ADCY7: variants seen among roughly 807,000 people sequenced by gnomAD.
The protein encoded by ADCY7 is adenylate cyclase type 7.
ADCY7 carries 72 observed loss-of-function variants against 120.6 expected under a neutral mutation model. The ratio of observed to expected loss-of-function variants is 0.60; its 90% CI spans 0.49 to 0.73. The LOEUF is 0.73. Ranked by LOEUF, ADCY7 falls within the 30% of genes least tolerant of loss-of-function variation. The probability of loss-of-function intolerance (pLI) is 0.00; values close to 1 mark genes in which losing one functional copy is unlikely to be tolerated. For synonymous variants in ADCY7, 661 were observed against 628.0 expected (o/e 1.05, Z -0.78); for missense variants, 1,227 against 1,486.0 (o/e 0.83, Z 2.87).
intron 1 of ADCY7, among the ~76,000 whole-genome samples, chr16:50,255,400 T>TG (rs1306924319): frequency 1.2e-4 from 1 of 8,346 alleles, no homozygotes; most frequent in African/African-American, 3.0e-4. Context: ...ACTCTGTTTC[T>TG]GGAAAAAAAA....
rs1044887733 is a variant in ADCY7, at chr16:50,301,084, G to A, written c.1238G>A (p.Arg413Gln). The A allele has an allele frequency of 1.2e-5, 19 of 1,613,308 alleles. No individual in the cohort carries two copies. Among genetic ancestry groups the A allele is most frequent in the East Asian group, 2.2e-5 (1 of 44,878 alleles). ...NRMEAAGVPG[R>Q]VHITEATLKH... Reference sequence around the variant, plus strand: ...TGCCTGACTTGGGTCTCCCGTAGCCGGGTGCACATCACGGAGGCCACGCTA... The same window carrying A: ...TGCCTGACTTGGGTCTCCCGTAGCCAGGTGCACATCACGGAGGCCACGCTA... Residue 413 changes from arginine to glutamine, a missense_variant and splice_region_variant, in exon 10 of 26, where the codon CGG (arginine) becomes CAG (glutamine). This residue lies in a region of ADCY7 where 332 missense variants were observed against 455.8 expected (regional missense o/e 0.73). Coordinates refer to ENST00000673801, the MANE Select transcript of ADCY7 (RefSeq NM_001114.5).
chr16:50,311,816 A>C lies in ADCY7; in HGVS notation c.2448+30A>C, dbSNP rs771257020. The C allele has an allele frequency of 1.1e-3, 1,219 of 1,136,998 alleles. 14 individuals are homozygous for C. In the African/African-American group the frequency reaches 0.022, roughly 20 times the overall value. 70.4% of individuals were successfully genotyped at this position (1,136,998 alleles called of 1,614,324 possible). On this transcript the variant is annotated intron_variant, in intron 20 of 25. Transcript: ENST00000673801. ...GGAGGCTGGCCCCCCCCCCCCCCCC[A>C]AGCTCTGCCCACTTTTCCTCACCTC...
chr16:50,310,131 G>A (rs532699230), intron 18 of ADCY7, among the ~76,000 whole-genome samples: 3 of 152,340 alleles, frequency 2.0e-5, no homozygotes, highest in African/African-American at 7.2e-5. Flanking sequence ...CTAAAAGGCA[G>A]AAAGGTTCTG....
chr16:50,259,330 G>T (rs1021007012), intron 1 of ADCY7, among the ~76,000 whole-genome samples: 2 of 152,178 alleles, frequency 1.3e-5, no homozygotes, highest in Non-Finnish European at 2.9e-5. Context: ...TGGTGGGAGG[G>T]ACATGGCCTT....
Position 50,310,792 on chromosome 16 carries a change from C to G in ADCY7, c.2266C>G (p.Leu756Val), listed in dbSNP as rs145636318. The G allele has an allele frequency of 2.5e-6, 4 of 1,614,174 alleles. No homozygotes were observed. In the South Asian group the frequency reaches 4.4e-5, roughly 18 times the overall value. ...VLLTVALVAY[L>V]VLFNLSPCWQ... ...GCTGACAGTGGCCCTGGTGGCCTAC[C>G]TGGTGCTCTTCAACCTCTCCCCATG... Residue 756 changes from leucine to valine, a missense_variant, in exon 19 of 26, where the codon CTG (leucine) becomes GTG (valine). Around this residue, in one of 5 missense-constraint regions of ADCY7, gnomAD observed 267 missense variants for 270.0 expected, o/e 0.99. Coordinates refer to ENST00000673801, the MANE Select transcript of ADCY7 (RefSeq NM_001114.5).
chr16:50,294,607 C>T, intron 6 of ADCY7, 33 bp from the exon 7 acceptor site: 2 of 1,294,034 alleles, frequency 1.5e-6, no homozygotes, highest in East Asian at 4.6e-5. Context: ...GAGCCTGGCT[C>T]TGACACTCCC....
At position 50,300,829 on chromosome 16, in the gene ADCY7, C is replaced by T. The variant is rs374120409; in HGVS notation, c.1191C>T (p.His397=). The T allele has an allele frequency of 8.9e-5, 138 of 1,557,750 alleles. No individual in the cohort carries two copies. The highest frequency in any genetic ancestry group is 4.1e-5 in the African/African-American group (3 of 73,248). The part of the protein sequence containing the change: ...LRKWQYDVWS[H]DVSLANRMEA... ...AGTGGCAGTATGACGTGTGGTCCCACGACGTGTCCCTGGCCAACCGGATGG... is the reference window on the plus strand; with the variant it reads ...AGTGGCAGTATGACGTGTGGTCCCATGACGTGTCCCTGGCCAACCGGATGG... Residue 397 remains histidine (H), a synonymous_variant, in exon 9 of 26, where the codon CAC becomes CAT. Transcript: ENST00000673801.
chr16:50,308,823 G>A (rs754823285), intron 17 of ADCY7, 31 bp downstream of exon 17: 14 of 1,577,870 alleles, frequency 8.9e-6, no homozygotes, highest in South Asian at 2.3e-5. Flanking sequence ...GCAGGCCTCC[G>A]GGGTAGAGGG....
chr16:50,294,529 A>C, intron 6 of ADCY7, 111 bp from the exon 7 acceptor site: 1 of 672,564 alleles, frequency 1.5e-6, no homozygotes, highest in Non-Finnish European at 2.5e-6. Flanking sequence ...ACGGGGGTGA[A>C]TGGGCTCAGG....
In ADCY7 at chr16:50,315,274, G is replaced by T; in HGVS notation, c.3097-85G>T. 3.8e-6 allele frequency: 6 copies of T among 1,566,458 alleles called. No homozygotes were observed. In the South Asian group the frequency reaches 7.2e-5, roughly 19 times the overall value. On this transcript the variant is annotated intron_variant, in intron 25 of 25. Transcript: ENST00000673801. The stretch of plus-strand genomic sequence containing the variant: ...TCACACTCTCCAGGGAAGGCAGACT[G>T]CATGCCTGGGCAGTCTCTATCTGTC...
At chr16:50,287,667 G>A (rs2034663181) in intron 1 of ADCY7, among the ~76,000 whole-genome samples, 1 of 145,182 alleles carries the variant, frequency 6.9e-6, no homozygotes, top group African/African-American at 2.5e-5. Flanking sequence ...GCAACAGAGT[G>A]AGGCCCTGTC....
upstream of ADCY7, among the ~76,000 whole-genome samples, chr16:50,266,137 CT>C (rs1445086357): frequency 2.0e-5 from 3 of 152,194 alleles, no homozygotes; most frequent in African/African-American, 4.8e-5. Context: ...GGCCACCTTA[CT>C]ACATAGATAG....
Position 50,290,611 on chromosome 16 carries a change from A to T in ADCY7, c.326A>T (p.Tyr109Phe). ...LTWACLVALG[Y>F]VLVFDAWTKA... is the part of the protein sequence containing the mutation. The stretch of plus-strand genomic sequence containing the variant: ...TGGGCCTGCTTGGTGGCGCTGGGCT[A>T]TGTGCTGGTGTTCGACGCATGGACA... Residue 109 changes from tyrosine to phenylalanine, a missense_variant, in exon 3 of 26, where the codon TAT becomes TTT. Transcript: ENST00000673801. 6.2e-7 allele frequency: 1 copy of T among 1,614,048 alleles called. No individual in the cohort carries two copies. The highest frequency in any genetic ancestry group is 8.5e-7 in the Non-Finnish European group (1 of 1,180,008).
In ADCY7 at chr16:50,249,807, G is replaced by A. The variant is rs370106472; in HGVS notation, c.-64+3604G>A. On this transcript the variant is annotated intron_variant, in intron 1 of 4. Transcript: ENST00000564044. ...AGGGCCATTGCCAGGTGTGGGGAGCGGGCAGCCTGCGGCCCAGCCCATGTG... is the reference window on the plus strand; with the variant it reads ...AGGGCCATTGCCAGGTGTGGGGAGCAGGCAGCCTGCGGCCCAGCCCATGTG... Among the ~76,000 whole-genome samples, 25 of 152,344 alleles carry A rather than the reference G, an allele frequency of 1.6e-4. No homozygotes were observed. In the East Asian group the frequency reaches 4.1e-3, roughly 25 times the overall value.
At chr16:50,266,168 G>C (rs1567532080), upstream of ADCY7, among the ~76,000 whole-genome samples, 1 of 152,202 alleles carries the variant, frequency 6.6e-6, no homozygotes, top group Non-Finnish European at 1.5e-5. Flanking sequence ...GTCCCAGGAA[G>C]GCGCGGGGGG....
rs371424027 is a variant in ADCY7 at position 50,315,150 on chromosome 16, T to C, written c.3096+12T>C. The C allele has an allele frequency of 5.2e-4, 843 of 1,613,806 alleles. No individual in the cohort carries two copies. The highest frequency in any genetic ancestry group is 6.6e-4 in the Non-Finnish European group (782 of 1,179,838). On this transcript the variant is annotated intron_variant, in intron 25 of 25. Coordinates refer to ENST00000673801, the MANE Select transcript of ADCY7 (RefSeq NM_001114.5). ...TTGGGAAAATCCAGGTAAAGACCTA[T>C]TGGGGAAGCAGTTGACTAAGGGGAA... is the stretch of plus-strand genomic sequence containing the variant.
intron 21 of ADCY7, 75 bp downstream of exon 21, chr16:50,312,266 A>G: frequency 6.5e-7 from 1 of 1,541,244 alleles, no homozygotes; most frequent in Non-Finnish European, 8.9e-7. Context: ...GAAGGTGTGG[A>G]GCTGGAGTGC....
chr16:50,264,023 A>G (rs1045234599), upstream of ADCY7, among the ~76,000 whole-genome samples: 3 of 152,122 alleles, frequency 2.0e-5, no homozygotes, highest in African/African-American at 4.8e-5. Context: ...CAAACCTTCA[A>G]TGTACAGGGT....
rs1359041575 is a variant in ADCY7 at position 50,289,043 on chromosome 16, T to C, written c.171+693T>C. 2.6e-5 allele frequency among the ~76,000 whole-genome samples: 4 copies of C among 152,240 alleles called. No individual in the cohort carries two copies. The East Asian group carries it at 7.7e-4, about 29-fold the overall frequency. ...TTGTCCAGATAAACTACTCTCATTTTTCTCCATGATGAAATTCGATTCTAC... is the reference window on the plus strand; with the variant it reads ...TTGTCCAGATAAACTACTCTCATTTCTCTCCATGATGAAATTCGATTCTAC... On this transcript the variant is annotated intron_variant, in intron 2 of 25. Coordinates refer to ENST00000673801, the MANE Select transcript of ADCY7 (RefSeq NM_001114.5).
Sources: allele counts gnomAD v4.1 joint callset (sites outside exome capture counted in the v4.1 genomes callset), GRCh38; gene constraint gnomAD v4.1.1; regional missense constraint gnomAD v4.1.1; transcripts MANE v1.5; gene names NCBI Gene and HGNC (gene_info 2026-07-23, HGNC 2026-07-21).